The following GDPD1 variants were observed in gnomAD, a reference collection of about 807,000 sequenced individuals.
GDPD1 encodes the protein glycerophosphodiester phosphodiesterase domain containing 1.
GDPD1 carries 28 observed loss-of-function variants against 45.1 expected under a neutral mutation model. The observed-to-expected ratio is 0.62, with a 90% CI of 0.46 to 0.85. GDPD1 has a LOEUF of 0.85. Ranked by LOEUF, GDPD1 falls within the 40% of genes least tolerant of loss-of-function variation. GDPD1 has a pLI of 0.00. For synonymous variants in GDPD1, 139 were observed against 131.4 expected, an observed-to-expected ratio of 1.06 and a Z score of -0.40; for missense variants, 256 against 364.8, an observed-to-expected ratio of 0.70 and a Z score of 2.43.
At chr17:59,240,281 ACT>A (rs1233789322) in intron 2 of GDPD1, among the ~76,000 whole-genome samples, 1 of 151,474 alleles carries the variant, frequency 6.6e-6, no homozygotes, top group African/African-American at 2.4e-5. Flanking sequence ...ACAGAGTGAG[ACT>A]CTGTCTCAAA....
At chr17:59,223,958 C>T (rs2047025827) in intron 1 of GDPD1, among the ~76,000 whole-genome samples, 1 of 152,128 alleles carries the variant, frequency 6.6e-6, no homozygotes, top group South Asian at 2.1e-4. Flanking sequence ...CTCTTTCTCT[C>T]TCCACCTTTT....
intron 6 of GDPD1, among the ~76,000 whole-genome samples, chr17:59,263,211 T>C (rs1307267972): frequency 6.6e-6 from 1 of 152,062 alleles, no homozygotes. Flanking sequence ...TTGAAATTTT[T>C]TGTAGAGATG....
intron 1 of GDPD1, among the ~76,000 whole-genome samples, chr17:59,224,428 C>T (rs2047029415): frequency 6.6e-6 from 1 of 152,054 alleles, no homozygotes; most frequent in South Asian, 2.1e-4. Flanking sequence ...CGAGACCATC[C>T]TGGCTAACGA....
intron 6 of GDPD1, among the ~76,000 whole-genome samples, chr17:59,265,925 T>C (rs1000773427): frequency 1.4e-5 from 2 of 140,646 alleles, no homozygotes; most frequent in African/African-American, 5.2e-5. Context: ...AAAAAAGGCA[T>C]AGAGTTGTTT....
rs2047403927 is a variant in GDPD1 at position 59,267,025 on chromosome 17, T to C, written c.577-16T>C. The C allele has an allele frequency of 6.3e-7, 1 of 1,594,376 alleles. No individual in the cohort carries two copies. On this transcript the variant is annotated splice_polypyrimidine_tract_variant and intron_variant, in intron 6 of 9. Transcript: ENST00000284116. The stretch of plus-strand genomic sequence containing the variant: ...CAGTTGTAAAAATAACATGTAATAT[T>C]GCTTGTGTCTTTTAGAATTCAGATA...
At chr17:59,250,613 CAAA>C (rs34031181) in intron 4 of GDPD1, among the ~76,000 whole-genome samples, 8 of 102,254 alleles carry the variant, frequency 7.8e-5, no homozygotes, top group Non-Finnish European at 8.4e-5. Flanking sequence ...GACCTTGTCT[CAAA>C]AAAAAAAAAA....
At chr17:59,269,844 T>C (rs868818616) in intron 7 of GDPD1, among the ~76,000 whole-genome samples, 3 of 152,114 alleles carry the variant, frequency 2.0e-5, no homozygotes, top group Non-Finnish European at 2.9e-5. Context: ...ATAAAACATT[T>C]ATTCCTAAAG....
At chr17:59,262,559 A>G (rs2047364798) in intron 6 of GDPD1, among the ~76,000 whole-genome samples, 1 of 151,900 alleles carries the variant, frequency 6.6e-6, no homozygotes, top group African/African-American at 2.4e-5. Context: ...GACTTAGGGT[A>G]GGGTAGAGAG....
chr17:59,230,221 T>TTA (rs1441274149), intron 1 of GDPD1, among the ~76,000 whole-genome samples: 1 of 152,062 alleles, frequency 6.6e-6, no homozygotes, highest in Non-Finnish European at 1.5e-5. Context: ...TGTTGAAGTT[T>TTA]TATATATATC....
chr17:59,228,153 CAAAG>C (rs1199724464), intron 1 of GDPD1, among the ~76,000 whole-genome samples: 2 of 53,056 alleles, frequency 3.8e-5, no homozygotes, highest in African/African-American at 1.9e-4. Flanking sequence ...GCCTGGGTGA[CAAAG>C]AAAGACTCCA....
intron 2 of GDPD1, among the ~76,000 whole-genome samples, chr17:59,239,802 T>G (rs1002700295): frequency 8.6e-5 from 13 of 151,370 alleles, no homozygotes; most frequent in East Asian, 1.9e-4. Context: ...ACACACTGTT[T>G]TTTTTTTTTT....
intron 6 of GDPD1, among the ~76,000 whole-genome samples, chr17:59,258,375 C>G (rs1292758514): frequency 6.6e-6 from 1 of 151,982 alleles, no homozygotes; most frequent in Non-Finnish European, 1.5e-5. Flanking sequence ...GAAACCCTGT[C>G]TCTATGAAAA....
chr17:59,248,622 G>A (rs2047230513), intron 3 of GDPD1, 118 bp from the exon 4 acceptor site: 1 of 682,296 alleles, frequency 1.5e-6, no homozygotes, highest in East Asian at 2.6e-5. Context: ...AGGGTGCCTA[G>A]TAAAGTGTTT....
chr17:59,243,358 T>A (rs2047188150), intron 2 of GDPD1, among the ~76,000 whole-genome samples: 2 of 151,808 alleles, frequency 1.3e-5, no homozygotes, highest in East Asian at 3.9e-4. Flanking sequence ...ATACAAAAAT[T>A]AGGTGGGCAT....
intron 8 of GDPD1, among the ~76,000 whole-genome samples, chr17:59,271,868 C>T (rs1168187289): frequency 6.6e-6 from 1 of 152,034 alleles, no homozygotes; most frequent in African/African-American, 2.4e-5. Context: ...CTCCTGGCCT[C>T]ATGTGATCTG....
chr17:59,260,083 AAAAAAAAAAAAAAAAAAT>A, intron 6 of GDPD1, among the ~76,000 whole-genome samples: 1 of 147,214 alleles, frequency 6.8e-6, no homozygotes, highest in South Asian at 2.2e-4. Context: ...AAAAAAAAAA[AAAAAAAAAAAAAAAAAAT>A]CCTATTATCT....
At chr17:59,260,373 C>T (rs557180527) in intron 6 of GDPD1, among the ~76,000 whole-genome samples, 1 of 151,982 alleles carries the variant, frequency 6.6e-6, no homozygotes, top group South Asian at 2.1e-4. Context: ...GAAACCCCAT[C>T]TCTACTAAAA....
chr17:59,231,908 A>G (rs748546215), intron 1 of GDPD1, among the ~76,000 whole-genome samples: 1 of 152,112 alleles, frequency 6.6e-6, no homozygotes. Context: ...GATTATAGGC[A>G]TGAGCCACCA....
intron 1 of GDPD1, among the ~76,000 whole-genome samples, chr17:59,225,814 A>AGG: frequency 6.6e-6 from 1 of 152,132 alleles, no homozygotes; most frequent in African/African-American, 2.4e-5. Flanking sequence ...TTCCACCTCT[A>AGG]GGGTTCAAGT....
Sources: gnomAD v4.1 joint callset for allele counts (sites outside exome capture counted in the v4.1 genomes callset) on GRCh38, gnomAD v4.1.1 for gene constraint, MANE v1.5 for transcripts, NCBI Gene and HGNC (gene_info 2026-07-23, HGNC 2026-07-21) for gene names.